The following METTL24 variants were observed in gnomAD, a reference collection of about 807,000 sequenced individuals.
The protein encoded by METTL24 is methyltransferase like 24.
Under a neutral mutation model 32.7 loss-of-function variants are expected in METTL24, and 29 were observed. The observed-to-expected ratio is 0.89, with a 90% confidence interval of 0.66 to 1.21. The LOEUF is 1.21. Ranked by LOEUF, METTL24 falls within the 50% of genes most tolerant of loss-of-function variation. The probability of loss-of-function intolerance (pLI) is 0.00; values close to 1 mark genes in which losing one functional copy is unlikely to be tolerated. For missense variants in METTL24, 439 were observed against 468.1 expected (o/e 0.94, Z 0.57); for synonymous variants, 163 against 179.5 (o/e 0.91, Z 0.73).
intron 3 of METTL24, among the ~76,000 whole-genome samples, chr6:110,299,681 T>C (rs565008695): frequency 5.3e-5 from 8 of 152,306 alleles, no homozygotes; most frequent in African/African-American, 1.9e-4. Flanking sequence ...ATGTATGTGA[T>C]TCTACTGCAT....
chr6:110,311,006 C>T (rs1202267967), intron 3 of METTL24, among the ~76,000 whole-genome samples: 20 of 152,204 alleles, frequency 1.3e-4, no homozygotes. Flanking sequence ...GGAGCACACA[C>T]TGCCTGTATG....
At chr6:110,292,700 T>G (rs1163492980) in intron 4 of METTL24, among the ~76,000 whole-genome samples, 2 of 152,062 alleles carry the variant, frequency 1.3e-5, no homozygotes, top group Admixed American at 1.3e-4. Context: ...TGTGACTTCC[T>G]AACTCCAGAA....
chr6:110,335,543 C>T (rs1245084716), intron 1 of METTL24, among the ~76,000 whole-genome samples: 2 of 128,276 alleles, frequency 1.6e-5, no homozygotes, highest in South Asian at 2.6e-4. Flanking sequence ...ATTTTACTTG[C>T]TTTGTACTTG....
chr6:110,346,780 C>T (rs1360214960), intron 1 of METTL24, among the ~76,000 whole-genome samples: 1 of 152,176 alleles, frequency 6.6e-6, no homozygotes, highest in African/African-American at 2.4e-5. Flanking sequence ...GCTGGGATTA[C>T]AGGCGTGAGT....
chr6:110,278,767 A>T lies in METTL24; in HGVS notation c.786+20155T>A, dbSNP rs139946310. Among the ~76,000 whole-genome samples, 998 of 152,324 alleles carry T rather than the reference A, an allele frequency of 6.6e-3. 18 individuals carry two copies. Among genetic ancestry groups the T allele is most frequent in the African/African-American group, 0.022 (923 of 41,572 alleles). On this transcript the variant is annotated intron_variant, in intron 4 of 4. Coordinates refer to ENST00000338882, the MANE Select transcript of METTL24 (RefSeq NM_001123364.3). ...CTGTTCATGGTGGCTCATGCCTGAA[A>T]CACTAACACTTTGGGAGGCCGAAGT...
In METTL24 at chr6:110,245,865, G is replaced by A; in HGVS notation, c.*81C>T. 7.3e-7 allele frequency: 1 copy of A among 1,367,924 alleles called. No homozygotes were observed. Among genetic ancestry groups the A allele is most frequent in the Non-Finnish European group, 1.0e-6 (1 of 994,966 alleles). The allele number at this position is 1,367,924 out of a possible 1,614,324, so 84.7% of individuals were successfully genotyped here. A position where few individuals can be genotyped will look rare whatever the true frequency, so the allele number is the denominator to read the frequency against. On this transcript the variant is annotated 3_prime_UTR_variant, in exon 5 of 5. Transcript: ENST00000338882. Reference sequence around the variant, plus strand: ...CAGGGCACAGGCTAGCAGGAGACTGGATGAGTAAACTCATGATTAGAATTA... The same window carrying A: ...CAGGGCACAGGCTAGCAGGAGACTGAATGAGTAAACTCATGATTAGAATTA...
intron 4 of METTL24, among the ~76,000 whole-genome samples, chr6:110,297,026 G>A (rs993307071): frequency 4.6e-5 from 7 of 152,002 alleles, no homozygotes; most frequent in African/African-American, 1.7e-4. Context: ...AAATCTCTAT[G>A]GAAGAATATC....
At chr6:110,280,623 A>G (rs9487337) in intron 4 of METTL24, among the ~76,000 whole-genome samples, 34,105 of 151,882 alleles carry the variant, frequency 0.22, 5,688 homozygotes, top group African/African-American at 0.48. Flanking sequence ...TATACCACTG[A>G]GAGAAAAGTG....
At chr6:110,322,314 C>G (rs558977996) in intron 2 of METTL24, among the ~76,000 whole-genome samples, 6 of 152,312 alleles carry the variant, frequency 3.9e-5, no homozygotes, top group African/African-American at 1.4e-4. Flanking sequence ...GCCTGCAAAG[C>G]CTCCTCTGCT....
chr6:110,277,258 C>G (rs1048601170), intron 4 of METTL24, among the ~76,000 whole-genome samples: 5 of 152,124 alleles, frequency 3.3e-5, no homozygotes, highest in Non-Finnish European at 7.3e-5. Flanking sequence ...CCAGGGCAGC[C>G]TTTCCTCTTA....
chr6:110,314,394 G>A (rs1771779060), intron 3 of METTL24, among the ~76,000 whole-genome samples: 3 of 151,844 alleles, frequency 2.0e-5, no homozygotes, highest in South Asian at 2.1e-4. Flanking sequence ...ATATAAATAC[G>A]GGTACATTTG....
At chr6:110,334,819 T>G (rs1377447690) in intron 1 of METTL24, among the ~76,000 whole-genome samples, 1 of 152,228 alleles carries the variant, frequency 6.6e-6, no homozygotes, top group African/African-American at 2.4e-5. Flanking sequence ...TATCCTACTC[T>G]CTTGCCATTT....
At chr6:110,253,550 T>C (rs1039502919) in intron 4 of METTL24, among the ~76,000 whole-genome samples, 1 of 152,174 alleles carries the variant, frequency 6.6e-6, no homozygotes, top group African/African-American at 2.4e-5. Flanking sequence ...TTAATATGCA[T>C]TTAACCAAAA....
intron 1 of METTL24, among the ~76,000 whole-genome samples, chr6:110,335,563 ATTGTTT>A (rs1772204299): frequency 5.3e-5 from 6 of 113,648 alleles, no homozygotes; most frequent in African/African-American, 1.4e-4. Flanking sequence ...GTAGGGAATC[ATTGTTT>A]TTTTTTTTTT....
At chr6:110,291,843 T>C (rs1164761856) in intron 4 of METTL24, among the ~76,000 whole-genome samples, 3 of 152,172 alleles carry the variant, frequency 2.0e-5, no homozygotes, top group African/African-American at 7.2e-5. Context: ...TGTATATATG[T>C]GTTTCCATCT....
At chr6:110,348,955 G>A (rs989143567) in intron 1 of METTL24, among the ~76,000 whole-genome samples, 1 of 152,086 alleles carries the variant, frequency 6.6e-6, no homozygotes, top group African/African-American at 2.4e-5. Flanking sequence ...ATGTAAATGG[G>A]GTCTTGTTTT....
At chr6:110,346,490 T>TTC (rs199636137) in intron 1 of METTL24, among the ~76,000 whole-genome samples, 5 of 127,316 alleles carry the variant, frequency 3.9e-5, no homozygotes, top group East Asian at 4.4e-4. Context: ...CCCTATATTA[T>TTC]TCTCTCTCTC....
chr6:110,334,938 T>C (rs956668012), intron 1 of METTL24, among the ~76,000 whole-genome samples: 3 of 152,240 alleles, frequency 2.0e-5, no homozygotes, highest in Non-Finnish European at 4.4e-5. Context: ...AGAACATTTT[T>C]CTGTCTGAAT....
chr6:110,356,293 A>T (rs1477375031), intron 1 of METTL24, among the ~76,000 whole-genome samples: 2 of 151,924 alleles, frequency 1.3e-5, no homozygotes, highest in Non-Finnish European at 2.9e-5. Flanking sequence ...AAATACAAAA[A>T]TTAGCCCAGC....
Sources: gnomAD v4.1 joint callset for allele counts (sites outside exome capture counted in the v4.1 genomes callset) on GRCh38, gnomAD v4.1.1 for gene constraint, MANE v1.5 for transcripts, NCBI Gene and HGNC (gene_info 2026-07-23, HGNC 2026-07-21) for gene names.